SPHKAP: variants seen among roughly 807,000 people sequenced by gnomAD.
The protein encoded by SPHKAP is SPHK1 interactor, AKAP domain containing.
Under a neutral mutation model 137.5 loss-of-function variants are expected in SPHKAP, and 67 were observed. The observed-to-expected ratio is 0.49, with a 90% CI of 0.40 to 0.60. The LOEUF is 0.60. SPHKAP is among the 20% of genes least tolerant of loss of function. SPHKAP has a pLI of 0.00. For synonymous variants in SPHKAP, 813 were observed against 785.3 expected (o/e 1.04, Z -0.59); for missense variants, 2,097 against 2,069.3 (o/e 1.01, Z -0.26).
chr2:228,062,624 C>T (rs1696690940), intron 3 of SPHKAP, among the ~76,000 whole-genome samples: 1 of 151,414 alleles, frequency 6.6e-6, no homozygotes, highest in African/African-American at 2.4e-5. Context: ...AATAAAATGC[C>T]AAAGCTGTGT....
intron 3 of SPHKAP, among the ~76,000 whole-genome samples, chr2:228,035,830 T>C (rs1211089566): frequency 1.3e-5 from 2 of 152,232 alleles, no homozygotes; most frequent in Non-Finnish European, 2.9e-5. Flanking sequence ...GCTGGCCATA[T>C]GTAGATAGCT....
chr2:227,982,311 G>A lies in SPHKAP; in HGVS notation c.4960-451C>T, dbSNP rs563501039. ...AATCAAGTGGTAAACTTTGATGCAG[G>A]ACCACCTATTGATTCTTCATTCCAT... is the stretch of plus-strand genomic sequence containing the variant. On this transcript the variant is annotated intron_variant, in intron 11 of 11. Transcript: ENST00000392056. The A allele has an allele frequency of 1.4e-3, 1,383 of 985,204 alleles. 2 individuals carry two copies. The highest frequency in any genetic ancestry group is 2.6e-3 in the Middle Eastern group (5 of 1,914). The allele number at this position is 985,204 out of a possible 1,614,324, so 61.0% of individuals were successfully genotyped here. A position where few individuals can be genotyped will look rare whatever the true frequency, so the allele number is the denominator to read the frequency against.
intron 3 of SPHKAP, among the ~76,000 whole-genome samples, chr2:228,092,198 T>C (rs1312315597): frequency 2.4e-4 from 32 of 134,806 alleles, no homozygotes; most frequent in African/African-American, 7.4e-4. Flanking sequence ...TGCATACACA[T>C]GCATACACAC....
intron 3 of SPHKAP, among the ~76,000 whole-genome samples, chr2:228,079,254 G>A (rs1697282017): frequency 6.6e-6 from 1 of 152,172 alleles, no homozygotes; most frequent in South Asian, 2.1e-4. Context: ...AGAATCAAAT[G>A]TTGCTGCTGA....
intron 1 of SPHKAP, among the ~76,000 whole-genome samples, chr2:228,168,906 G>A (rs1162171154): frequency 2.0e-5 from 3 of 152,218 alleles, no homozygotes; most frequent in African/African-American, 4.8e-5. Context: ...GGGAATATAC[G>A]AATGATAAGA....
chr2:228,152,608 G>T (rs1699970531), intron 1 of SPHKAP, among the ~76,000 whole-genome samples: 1 of 151,544 alleles, frequency 6.6e-6, no homozygotes, highest in South Asian at 2.1e-4. Context: ...TGATATATTT[G>T]GGTCCATTTA....
rs1475406557 is a variant in SPHKAP at position 228,018,267 on chromosome 2, G to A, written c.2587C>T (p.Pro863Ser). The change falls in exon 7 of 12, where the codon CCA (proline) becomes TCA (serine). Residue 863 changes from proline to serine, a missense_variant. Transcript: ENST00000392056. ...CCACTTCTGGACTGGCTGACCGTTG[G>A]GGACCTTTGTCCTTCGGAAGAGGCT... ...CRASSEGQRS[P>S]TVSQSRSGSQ... 1.9e-6 allele frequency: 3 copies of A among 1,614,018 alleles called. No homozygotes were observed. In the African/African-American group the frequency reaches 4.0e-5, roughly 22 times the overall value.
rs370208585 is a variant in SPHKAP, at chr2:228,134,462, C to T, written c.33-2377G>A. 6.8e-4 allele frequency among the ~76,000 whole-genome samples: 104 copies of T among 152,222 alleles called. 1 individual carries two copies. The highest frequency in any genetic ancestry group is 2.4e-3 in the African/African-American group (100 of 41,538). On this transcript the variant is annotated intron_variant, in intron 1 of 11. Coordinates refer to ENST00000392056, the MANE Select transcript of SPHKAP (RefSeq NM_001142644.2). ...CACTTGGCGAAATATCAGAGATGTC[C>T]TAAGTTTTCAGCCCCTATCTTTACA...
intron 2 of SPHKAP, among the ~76,000 whole-genome samples, chr2:228,122,413 G>A (rs1208122173): frequency 6.6e-6 from 1 of 152,140 alleles, no homozygotes; most frequent in Non-Finnish European, 1.5e-5. Context: ...ATGTTGGACT[G>A]TCACCACTGT....
At chr2:228,040,547 A>G (rs1695795782) in intron 3 of SPHKAP, among the ~76,000 whole-genome samples, 1 of 152,180 alleles carries the variant, frequency 6.6e-6, no homozygotes, top group Non-Finnish European at 1.5e-5. Flanking sequence ...ATAAAGTTTT[A>G]TTTACATTTA....
At chr2:228,153,280 A>G (rs1699994972) in intron 1 of SPHKAP, among the ~76,000 whole-genome samples, 1 of 152,172 alleles carries the variant, frequency 6.6e-6, no homozygotes, top group Non-Finnish European at 1.5e-5. Flanking sequence ...ATTGTTTTAT[A>G]CAATCATTAT....
chr2:228,070,567 T>C (rs1375420377), intron 3 of SPHKAP, among the ~76,000 whole-genome samples: 3 of 152,204 alleles, frequency 2.0e-5, no homozygotes, highest in Admixed American at 2.0e-4. Flanking sequence ...TCTTGAAGAA[T>C]AGGAACTCTC....
In SPHKAP at chr2:228,017,665, G is replaced by T. The variant is rs1694661636; in HGVS notation, c.3189C>A (p.Gly1063=). ...SMVDGMWQAQ[G]YPRNRLLSGD... ...CACTCAGTAACCGATTCCGGGGATAGCCCTGCGCCTGCCACATGCCGTCCA... is the reference window on the plus strand; with the variant it reads ...CACTCAGTAACCGATTCCGGGGATATCCCTGCGCCTGCCACATGCCGTCCA... Residue 1063 remains glycine, a synonymous_variant, in exon 7 of 12, where the codon GGC becomes GGA. Coordinates refer to ENST00000392056, the MANE Select transcript of SPHKAP (RefSeq NM_001142644.2). 6.2e-7 allele frequency: 1 copy of T among 1,613,828 alleles called. No individual in the cohort carries two copies. The highest frequency in any genetic ancestry group is 8.5e-7 in the Non-Finnish European group (1 of 1,180,028).
Position 228,131,910 on chromosome 2 carries a change from CT to C in SPHKAP, c.138+69del. 4 of 1,551,838 alleles carry C rather than the reference CT, an allele frequency of 2.6e-6. No individual in the cohort carries two copies. The South Asian group carries it at 4.5e-5, about 18-fold the overall frequency. ...TGTTGTTTCTACTTTAGGAAGAGTG[CT>C]TAAAATTTCGAATTAAATGAATATT... On this transcript the variant is annotated intron_variant, in intron 2 of 11. Coordinates refer to ENST00000392056, the MANE Select transcript of SPHKAP (RefSeq NM_001142644.2).
Position 228,017,437 on chromosome 2 carries a change from A to C in SPHKAP, c.3417T>G (p.Asn1139Lys). 6.2e-7 allele frequency: 1 copy of C among 1,613,394 alleles called. No individual in the cohort carries two copies. The highest frequency in any genetic ancestry group is 1.1e-5 in the South Asian group (1 of 91,058). The change falls in exon 7 of 12, where the codon AAT becomes AAG. Residue 1139 changes from asparagine (N) to lysine (K), a missense_variant. Physicochemically the swap from Asn to Lys is moderately conservative, Grantham distance 94. Coordinates refer to ENST00000392056, the MANE Select transcript of SPHKAP (RefSeq NM_001142644.2). ...GCAGTAACTCAAATCCTCTCCCTTCATTTTCCATCTGGTTCACCATGAACC... is the reference window on the plus strand; with the variant it reads ...GCAGTAACTCAAATCCTCTCCCTTCCTTTTCCATCTGGTTCACCATGAACC... ...FSRFMVNQMENEGRGFELLLD... is the reference protein window; with the variant it reads ...FSRFMVNQMEKEGRGFELLLD...
At chr2:227,982,985 CT>C (rs1693056092) in intron 11 of SPHKAP, among the ~76,000 whole-genome samples, 2 of 151,962 alleles carry the variant, frequency 1.3e-5, no homozygotes, top group African/African-American at 4.8e-5. Flanking sequence ...ACTTGGAGCA[CT>C]GGGAGAAAAA....
At position 228,146,717 on chromosome 2, in the gene SPHKAP, C is replaced by T. The variant is rs565981466; in HGVS notation, c.33-14632G>A. Among the ~76,000 whole-genome samples, 54 of 152,278 alleles carry T rather than the reference C, an allele frequency of 3.5e-4. 1 individual carries two copies. The highest frequency in any genetic ancestry group is 1.2e-3 in the African/African-American group (50 of 41,548). ...TAGTCTCCAGTTCCACGCGTGTTCC[C>T]GCAAAAGACACGACCTTGTTCTTTG... is the stretch of plus-strand genomic sequence containing the variant. On this transcript the variant is annotated intron_variant, in intron 1 of 11. Coordinates refer to ENST00000392056, the MANE Select transcript of SPHKAP (RefSeq NM_001142644.2).
chr2:228,000,572 G>A (rs928203389), intron 7 of SPHKAP, among the ~76,000 whole-genome samples: 1 of 151,638 alleles, frequency 6.6e-6, no homozygotes, highest in African/African-American at 2.4e-5. Flanking sequence ...GAGCCAAGAT[G>A]GCGCCACTGC....
chr2:228,068,862 A>C (rs1483898859), intron 3 of SPHKAP, among the ~76,000 whole-genome samples: 2 of 152,210 alleles, frequency 1.3e-5, no homozygotes, highest in Non-Finnish European at 2.9e-5. Context: ...TTAGTTTTAA[A>C]AGAATGGTTT....
Sources: allele counts gnomAD v4.1 joint callset (sites outside exome capture counted in the v4.1 genomes callset), GRCh38; gene constraint gnomAD v4.1.1; transcripts MANE v1.5; gene names NCBI Gene and HGNC (gene_info 2026-07-23, HGNC 2026-07-21).